Variants in ACACB observed in about 807,000 individuals in gnomAD.
The protein encoded by ACACB is acetyl-CoA carboxylase beta, also known as acetyl-CoA carboxylase 2.
A neutral mutation model predicts 278.8 loss-of-function variants in ACACB; 209 were observed. The ratio of observed to expected loss-of-function variants is 0.75; its 90% CI spans 0.67 to 0.84. The LOEUF (loss-of-function observed/expected upper bound fraction) is 0.84, where lower values mean the gene tolerates loss of function less well. Among genes scored for constraint, ACACB ranks in the 40% least tolerant of loss-of-function variants. The pLI is 0.00. For synonymous variants in ACACB, 1,174 were observed against 1,285.6 expected, an observed-to-expected ratio of 0.91 and a Z score of 1.86; for missense variants, 2,850 against 3,269.0, an observed-to-expected ratio of 0.87 and a Z score of 3.13.
At chr12:109,251,020 AGT>A (rs2047080362) in intron 41 of ACACB, among the ~76,000 whole-genome samples, 1 of 152,118 alleles carries the variant, frequency 6.6e-6, no homozygotes, top group Non-Finnish European at 1.5e-5. Context: ...CCGCATGAAC[AGT>A]GTGTTTACTG....
At chr12:109,176,896 T>C (rs1162364326) in intron 9 of ACACB, among the ~76,000 whole-genome samples, 8 of 152,190 alleles carry the variant, frequency 5.3e-5, no homozygotes, top group Non-Finnish European at 1.0e-4. Flanking sequence ...GGATTACAGG[T>C]GTGATCCGCT....
chr12:109,163,092 T>C (rs1264089518), intron 2 of ACACB, among the ~76,000 whole-genome samples: 1 of 151,896 alleles, frequency 6.6e-6, no homozygotes, highest in African/African-American at 2.4e-5. Flanking sequence ...CCCGGCTAAT[T>C]TTTTGTATTT....
At chr12:109,202,502 A>T (rs140116493) in intron 19 of ACACB, among the ~76,000 whole-genome samples, 1 of 152,072 alleles carries the variant, frequency 6.6e-6, no homozygotes, top group East Asian at 1.9e-4. Flanking sequence ...TTTAGTAGAG[A>T]CAGGGTTTCA....
At chr12:109,133,912 T>A (rs1245355208) in intron 1 of ACACB, among the ~76,000 whole-genome samples, 4 of 144,274 alleles carry the variant, frequency 2.8e-5, no homozygotes, top group Non-Finnish European at 6.0e-5. Context: ...TTTTTTTTTT[T>A]TCATTTGTTT....
intron 24 of ACACB, among the ~76,000 whole-genome samples, chr12:109,221,412 C>T (rs972236424): frequency 1.3e-5 from 2 of 152,118 alleles, no homozygotes; most frequent in African/African-American, 2.4e-5. Context: ...TTAGGGAGCA[C>T]CTGCGCTGAG....
At chr12:109,150,608 G>T (rs2043345831) in intron 2 of ACACB, among the ~76,000 whole-genome samples, 1 of 152,134 alleles carries the variant, frequency 6.6e-6, no homozygotes, top group Non-Finnish European at 1.5e-5. Context: ...ACATACAGAG[G>T]GGGCCCTGCA....
At chr12:109,220,358 G>T (rs961601527) in intron 24 of ACACB, among the ~76,000 whole-genome samples, 2 of 152,166 alleles carry the variant, frequency 1.3e-5, no homozygotes, top group African/African-American at 4.8e-5. Flanking sequence ...CTTGTGAATT[G>T]AATGATTATT....
chr12:109,233,724 C>G (rs770830522), intron 29 of ACACB, 24 bp from the exon 30 acceptor site: 1 of 1,606,978 alleles, frequency 6.2e-7, no homozygotes. Context: ...CCCCTCAGCC[C>G]TCCCTCTCTA....
chr12:109,179,767 A>G (rs915890928), intron 10 of ACACB, 150 bp from the exon 11 acceptor site: 7 of 868,872 alleles, frequency 8.1e-6, no homozygotes, highest in African/African-American at 1.7e-5. Flanking sequence ...CTAGGGTGAT[A>G]GGCATGAGCC....
intron 2 of ACACB, among the ~76,000 whole-genome samples, chr12:109,154,217 C>G (rs896831995): frequency 6.6e-6 from 1 of 152,200 alleles, no homozygotes; most frequent in African/African-American, 2.4e-5. Context: ...AGTAGCGGAC[C>G]CAGGTGGTGC....
Position 109,180,058 on chromosome 12 carries a change from G to A in ACACB, c.1789G>A (p.Asp597Asn), listed in dbSNP as rs2044414995. ...VEHPCTEMIA[D>N]VNLPAAQLQI... Reference sequence around the variant, plus strand: ...ACATCCCTGCACAGAAATGATTGCTGATGTTAATCTGCCGGCCGCCCAGCT... The same window carrying A: ...ACATCCCTGCACAGAAATGATTGCTAATGTTAATCTGCCGGCCGCCCAGCT... Residue 597 changes from aspartate to asparagine, a missense_variant, in exon 11 of 53, where the codon GAT becomes AAT. Around this residue, in one of 3 missense-constraint regions of ACACB, gnomAD observed 2,265 missense variants for 2,561.3 expected, o/e 0.88. Coordinates refer to ENST00000338432, the MANE Select transcript of ACACB (RefSeq NM_001093.4). The A allele has an allele frequency of 6.2e-7, 1 of 1,612,324 alleles. No homozygotes were observed. The highest frequency in any genetic ancestry group is 1.3e-5 in the African/African-American group (1 of 74,882).
At chr12:109,204,427 A>G (rs562284459) in intron 19 of ACACB, among the ~76,000 whole-genome samples, 29 of 151,984 alleles carry the variant, frequency 1.9e-4, no homozygotes, top group Admixed American at 1.8e-3. Flanking sequence ...GGCACCTGCC[A>G]CTATGCCCAG....
At chr12:109,188,656 G>A (rs947130098) in intron 13 of ACACB, among the ~76,000 whole-genome samples, 2 of 151,972 alleles carry the variant, frequency 1.3e-5, no homozygotes, top group Non-Finnish European at 2.9e-5. Context: ...TCACAGGGTA[G>A]GCCCCATTTA....
chr12:109,230,776 G>A (rs2046445401), intron 28 of ACACB, among the ~76,000 whole-genome samples: 1 of 152,180 alleles, frequency 6.6e-6, no homozygotes, highest in African/African-American at 2.4e-5. Flanking sequence ...TGTTAGGAAG[G>A]GAAGGGCGGC....
At position 109,139,983 on chromosome 12, in the gene ACACB, G is replaced by A. The variant is rs767203808; in HGVS notation, c.578G>A (p.Arg193Gln). ...CGTGAGTCTACCCGGAAGGGCAGCC[G>A]GGCCAGCTTGGGGGCCCTGTCCCTG... is the stretch of plus-strand genomic sequence containing the variant. ...SSRESTRKGS[R>Q]ASLGALSLEA... Residue 193 changes from arginine (R) to glutamine (Q), a missense_variant, in exon 2 of 53, where the codon CGG (arginine) becomes CAG (glutamine). By Grantham distance (43) the Arg-to-Gln change is conservative (BLOSUM62 1). Around this residue, in one of 3 missense-constraint regions of ACACB, gnomAD observed 2,265 missense variants for 2,561.3 expected, o/e 0.88. Transcript: ENST00000338432. The A allele has an allele frequency of 1.7e-5, 27 of 1,613,094 alleles. No individual in the cohort carries two copies. The highest frequency in any genetic ancestry group is 4.0e-5 in the African/African-American group (3 of 74,938).
intron 39 of ACACB, 118 bp downstream of exon 39, chr12:109,246,566 G>A (rs1234583977): frequency 2.4e-6 from 3 of 1,230,128 alleles, no homozygotes; most frequent in African/African-American, 3.0e-5. Flanking sequence ...AAGCACAGAT[G>A]TACATGTAGT....
At chr12:109,167,643 A>ATATATATATATATATT (rs1417620102) in intron 3 of ACACB, among the ~76,000 whole-genome samples, 32 of 135,558 alleles carry the variant, frequency 2.4e-4, no homozygotes, top group African/African-American at 8.2e-4. Context: ...ATATATATAT[A>ATATATATATATATATT]TATATATATA....
At chr12:109,202,565 T>A (rs1284606972) in intron 19 of ACACB, among the ~76,000 whole-genome samples, 1 of 152,168 alleles carries the variant, frequency 6.6e-6, no homozygotes, top group Non-Finnish European at 1.5e-5. Context: ...TCCACCCTCC[T>A]CAGCCTCCCA....
At chr12:109,250,849 A>G (rs1164105730) in intron 41 of ACACB, among the ~76,000 whole-genome samples, 2 of 152,214 alleles carry the variant, frequency 1.3e-5, no homozygotes, top group Non-Finnish European at 2.9e-5. Context: ...TACACTTGGA[A>G]GAGGGCCAAA....
Sources: allele counts gnomAD v4.1 joint callset (sites outside exome capture counted in the v4.1 genomes callset), GRCh38; gene constraint gnomAD v4.1.1; regional missense constraint gnomAD v4.1.1; transcripts MANE v1.5; gene names NCBI Gene and HGNC (gene_info 2026-07-23, HGNC 2026-07-21).